Variants in PIP5K1B observed in about 807,000 individuals in gnomAD.
PIP5K1B encodes phosphatidylinositol-4-phosphate 5-kinase type 1 beta.
PIP5K1B carries 42 observed loss-of-function variants against 67.0 expected under a neutral mutation model. The ratio of observed to expected loss-of-function variants is 0.63; its 90% CI spans 0.49 to 0.81. The LOEUF (loss-of-function observed/expected upper bound fraction) is 0.81. PIP5K1B is among the 30% of genes least tolerant of loss of function. The probability of loss-of-function intolerance (pLI) is 0.00; values close to 1 mark genes in which losing one functional copy is unlikely to be tolerated. For missense variants in PIP5K1B, 459 were observed against 646.3 expected, an observed-to-expected ratio of 0.71 and a Z score of 3.14; for synonymous variants, 214 against 231.4, an observed-to-expected ratio of 0.92 and a Z score of 0.68.
At chr9:68,836,053 CAG>C (rs1160068966) in intron 4 of PIP5K1B, among the ~76,000 whole-genome samples, 1 of 151,910 alleles carries the variant, frequency 6.6e-6, no homozygotes, top group African/African-American at 2.4e-5. Flanking sequence ...TCTTGAAGGA[CAG>C]AGAGTACAGT....
At chr9:68,872,983 G>C (rs1823701436) in intron 5 of PIP5K1B, among the ~76,000 whole-genome samples, 1 of 152,150 alleles carries the variant, frequency 6.6e-6, no homozygotes, top group Non-Finnish European at 1.5e-5. Flanking sequence ...GATAACATAG[G>C]CATGCATTTG....
rs745479263 is a variant in PIP5K1B, at chr9:68,781,037, T to C, written c.-85-37424T>C. On this transcript the variant is annotated intron_variant, in intron 2 of 15. Coordinates refer to ENST00000265382, the MANE Select transcript of PIP5K1B (RefSeq NM_003558.4). ...AACTTTCGTCTAAGTGATTCACTCA[T>C]CCTGAGACTTTCTTTTTGCAGTGGA... 3 of 1,604,910 alleles carry C rather than the reference T, an allele frequency of 1.9e-6. No individual in the cohort carries two copies. The Admixed American group carries it at 5.1e-5, about 27-fold the overall frequency.
chr9:68,794,145 G>A (rs563734034), intron 2 of PIP5K1B, among the ~76,000 whole-genome samples: 4 of 152,280 alleles, frequency 2.6e-5, no homozygotes, highest in African/African-American at 9.6e-5. Context: ...GCGGTGGAGT[G>A]GTGCAGTTGG....
rs376908186 is a variant in PIP5K1B, at chr9:68,732,967, G to A, written c.-242-9534G>A. ...TGATGATGATGATGACGACGACGATGATGTGGTTGGAACCTGTACCAATTT... is the reference window on the plus strand; with the variant it reads ...TGATGATGATGATGACGACGACGATAATGTGGTTGGAACCTGTACCAATTT... On this transcript the variant is annotated intron_variant, in intron 1 of 15. Coordinates refer to ENST00000265382, the MANE Select transcript of PIP5K1B (RefSeq NM_003558.4). 7.2e-5 allele frequency among the ~76,000 whole-genome samples: 11 copies of A among 152,220 alleles called. No homozygotes were observed. In the South Asian group the frequency reaches 2.3e-3, roughly 32 times the overall value.
intron 14 of PIP5K1B, among the ~76,000 whole-genome samples, chr9:68,956,930 G>A (rs1828427469): frequency 6.6e-6 from 1 of 152,036 alleles, no homozygotes; most frequent in African/African-American, 2.4e-5. Context: ...TTCCCCAGAG[G>A]GCAGTACAAA....
At chr9:68,969,665 A>G (rs1342446709) in intron 14 of PIP5K1B, among the ~76,000 whole-genome samples, 1 of 152,144 alleles carries the variant, frequency 6.6e-6, no homozygotes, top group Non-Finnish European at 1.5e-5. Context: ...ATAGGTCAAC[A>G]TTGTGAGATA....
intron 1 of PIP5K1B, 74 bp downstream of exon 1, chr9:68,705,836 C>G (rs1827097681): frequency 6.6e-6 from 1 of 152,072 alleles, no homozygotes; most frequent in Non-Finnish European, 1.5e-5. Flanking sequence ...GGCTCTGCAT[C>G]TCTGCTGAAA....
At chr9:68,938,088 GAGAGTACTGT>G (rs1470771791) in intron 13 of PIP5K1B, among the ~76,000 whole-genome samples, 2 of 152,208 alleles carry the variant, frequency 1.3e-5, no homozygotes, top group Non-Finnish European at 2.9e-5. Context: ...ATTTGGGGTA[GAGAGTACTGT>G]AGCTGTCTAT....
At position 68,923,375 on chromosome 9, in the gene PIP5K1B, A is replaced by G. The variant is rs201747635; in HGVS notation, c.1190A>G (p.Lys397Arg). 136 of 1,562,046 alleles carry G rather than the reference A, an allele frequency of 8.7e-5. 2 individuals are homozygous for G. The East Asian group carries it at 3.0e-3, about 34-fold the overall frequency. ...AAGTTCATGAATTCCAGAGTTTTCA[A>G]GAAAATTCAAGGTAAGATTCTTATG... The part of the protein sequence containing the change: ...FLKFMNSRVF[K>R]KIQALKASPS... Residue 397 changes from lysine to arginine, a missense_variant, in exon 12 of 16, where the codon AAG becomes AGG. Lys to Arg is a conservative substitution (Grantham distance 26, BLOSUM62 2). Around this residue, in one of 2 missense-constraint regions of PIP5K1B, gnomAD observed 169 missense variants for 171.9 expected, o/e 0.98. Coordinates refer to ENST00000265382, the MANE Select transcript of PIP5K1B (RefSeq NM_003558.4).
chr9:68,896,572 C>G (rs1825095494), intron 8 of PIP5K1B, among the ~76,000 whole-genome samples: 1 of 152,242 alleles, frequency 6.6e-6, no homozygotes, highest in South Asian at 2.1e-4. Flanking sequence ...CCCTCTTACT[C>G]ACTGCATTTG....
intron 2 of PIP5K1B, chr9:68,789,419 A>G (rs1400947199): frequency 2.2e-6 from 1 of 463,978 alleles, no homozygotes; most frequent in Non-Finnish European, 4.3e-6. Flanking sequence ...TCCACTACTC[A>G]GTGAAGAAAC....
At chr9:68,808,760 G>A (rs1822625501) in intron 2 of PIP5K1B, among the ~76,000 whole-genome samples, 1 of 152,206 alleles carries the variant, frequency 6.6e-6, no homozygotes, top group South Asian at 2.1e-4. Context: ...ATTGATGAAT[G>A]TGTTTTATGA....
chr9:68,897,064 C>T (rs1044372158), intron 8 of PIP5K1B, among the ~76,000 whole-genome samples: 1 of 152,128 alleles, frequency 6.6e-6, no homozygotes, highest in Non-Finnish European at 1.5e-5. Flanking sequence ...CAATATTGCC[C>T]TTGCTTTGCA....
chr9:68,801,989 C>T (rs1427939548), intron 2 of PIP5K1B, among the ~76,000 whole-genome samples: 1 of 152,212 alleles, frequency 6.6e-6, no homozygotes, highest in African/African-American at 2.4e-5. Flanking sequence ...ATGGGCATCT[C>T]TGGATGAGAA....
chr9:69,004,335 TTTTGTGTGTG>T (rs1830965960), intron 15 of PIP5K1B, among the ~76,000 whole-genome samples: 7 of 121,010 alleles, frequency 5.8e-5, no homozygotes, highest in Admixed American at 5.1e-4. Flanking sequence ...GTGTGTGTGT[TTTTGTGTGTG>T]TGTGTGTGTG....
chr9:68,759,455 A>G (rs960574096), intron 2 of PIP5K1B, among the ~76,000 whole-genome samples: 6 of 152,106 alleles, frequency 3.9e-5, no homozygotes, highest in African/African-American at 1.4e-4. Flanking sequence ...AAACATGTCA[A>G]GAAAACATAA....
chr9:68,923,224 C>A, intron 11 of PIP5K1B, 78 bp from the exon 12 acceptor site: 2 of 820,208 alleles, frequency 2.4e-6, no homozygotes, highest in Non-Finnish European at 2.1e-6. Context: ...AACAGAGAAC[C>A]AATTGCATAG....
chr9:68,819,572 G>A (rs750072870), intron 3 of PIP5K1B, among the ~76,000 whole-genome samples: 38 of 152,108 alleles, frequency 2.5e-4, no homozygotes, highest in African/African-American at 5.1e-4. Flanking sequence ...AATGCCCAAC[G>A]TAATTATATA....
intron 2 of PIP5K1B, among the ~76,000 whole-genome samples, chr9:68,774,041 CACT>C (rs1830791539): frequency 6.6e-6 from 1 of 151,894 alleles, no homozygotes; most frequent in African/African-American, 2.4e-5. Flanking sequence ...AGGAGGATAC[CACT>C]GAGAAGGCAA....
Sources: gnomAD v4.1 joint callset for allele counts (sites outside exome capture counted in the v4.1 genomes callset) on GRCh38, gnomAD v4.1.1 for gene constraint, gnomAD v4.1.1 regional missense constraint, MANE v1.5 for transcripts, NCBI Gene and HGNC (gene_info 2026-07-23, HGNC 2026-07-21) for gene names.